The following TNIP3 variants were observed in gnomAD, a reference collection of about 807,000 sequenced individuals.
TNIP3 encodes TNFAIP3-interacting protein 3.
TNIP3 carries 34 observed loss-of-function variants against 54.1 expected under a neutral mutation model. That is an observed-to-expected ratio of 0.63 (90% confidence interval 0.48 to 0.84). TNIP3 has a LOEUF of 0.84. Among genes scored for constraint, TNIP3 ranks in the 40% least tolerant of loss-of-function variants. TNIP3 has a pLI of 0.00. For missense variants in TNIP3, 366 were observed against 387.6 expected, an observed-to-expected ratio of 0.94 and a Z score of 0.47; for synonymous variants, 134 against 136.8, an observed-to-expected ratio of 0.98 and a Z score of 0.14.
At chr4:121,187,819 A>G (rs184971730) in intron 2 of TNIP3, among the ~76,000 whole-genome samples, 17 of 152,368 alleles carry the variant, frequency 1.1e-4, no homozygotes, top group African/African-American at 3.4e-4. Flanking sequence ...CTTCCTGAAG[A>G]TAGGGTCTCT....
chr4:121,148,795 C>CTGAAT (rs1434815665), intron 6 of TNIP3, among the ~76,000 whole-genome samples: 8 of 152,174 alleles, frequency 5.3e-5, no homozygotes, highest in Non-Finnish European at 1.2e-4. Flanking sequence ...AACACAATTG[C>CTGAAT]TGAATTTTTC....
At chr4:121,171,056 T>C (rs1290513243) in intron 3 of TNIP3, among the ~76,000 whole-genome samples, 4 of 152,200 alleles carry the variant, frequency 2.6e-5, no homozygotes, top group African/African-American at 9.6e-5. Context: ...CCTCAGGTGA[T>C]CTGCCCATCT....
In TNIP3 at chr4:121,152,640, G is replaced by C. The variant is rs1380590440; in HGVS notation, c.492+1911C>G. 2.6e-5 allele frequency among the ~76,000 whole-genome samples: 4 copies of C among 152,020 alleles called. No homozygotes were observed. In the East Asian group the frequency reaches 7.7e-4, roughly 29 times the overall value. On this transcript the variant is annotated intron_variant, in intron 5 of 10. Transcript: ENST00000057513. ...TTCTAAGTATTCAAGATAAAGCAGT[G>C]AACAAAACAGAAAAAATTCAGAACC...
At chr4:121,150,306 A>T in intron 5 of TNIP3, 87 bp from the exon 6 acceptor site, 2 of 748,272 alleles carry the variant, frequency 2.7e-6, no homozygotes, top group Non-Finnish European at 4.4e-6. Flanking sequence ...TCTCAAATGC[A>T]CCCACAAATA....
At chr4:121,225,023 T>C (rs1212794332) in intron 1 of TNIP3, among the ~76,000 whole-genome samples, 1 of 152,222 alleles carries the variant, frequency 6.6e-6, no homozygotes, top group Non-Finnish European at 1.5e-5. Context: ...ATATTTGAAA[T>C]TTAAGATGTA....
At chr4:121,189,666 T>C (rs143875211) in intron 2 of TNIP3, among the ~76,000 whole-genome samples, 2 of 152,314 alleles carry the variant, frequency 1.3e-5, no homozygotes, top group Non-Finnish European at 2.9e-5. Context: ...TGAGAGAATT[T>C]TGAAAGTAAC....
chr4:121,185,811 T>G (rs1418830685), intron 2 of TNIP3, among the ~76,000 whole-genome samples: 1 of 152,238 alleles, frequency 6.6e-6, no homozygotes, highest in Non-Finnish European at 1.5e-5. Context: ...GCCTTGTTCT[T>G]TTTTACTTGT....
intron 2 of TNIP3, among the ~76,000 whole-genome samples, chr4:121,206,809 A>T (rs866576268): frequency 4.3e-4 from 65 of 152,062 alleles, no homozygotes; most frequent in African/African-American, 1.6e-3. Flanking sequence ...GACTCAAGGG[A>T]TCCACTTGCC....
chr4:121,203,387 A>G (rs148147431), intron 2 of TNIP3, among the ~76,000 whole-genome samples: 34 of 152,294 alleles, frequency 2.2e-4, no homozygotes, highest in African/African-American at 8.2e-4. Context: ...CAAACATCAT[A>G]TGTTCTCACT....
chr4:121,168,873 G>A (rs1163497893), upstream of TNIP3, among the ~76,000 whole-genome samples: 1 of 152,144 alleles, frequency 6.6e-6, no homozygotes, highest in Non-Finnish European at 1.5e-5. Context: ...AGCGTGTCCA[G>A]CAGTGACTGA....
At chr4:121,160,093 C>T (rs921485646) in intron 2 of TNIP3, among the ~76,000 whole-genome samples, 2 of 152,074 alleles carry the variant, frequency 1.3e-5, no homozygotes, top group Admixed American at 6.6e-5. Context: ...CAATAATTTT[C>T]CAGAAGGTCA....
At chr4:121,176,669 C>A (rs1358616812) in intron 3 of TNIP3, among the ~76,000 whole-genome samples, 2 of 146,320 alleles carry the variant, frequency 1.4e-5, no homozygotes, top group African/African-American at 2.5e-5. Context: ...AAAAAAAAAA[C>A]AGCTTTCAAA....
intron 10 of TNIP3, among the ~76,000 whole-genome samples, chr4:121,136,139 T>A (rs920929497): frequency 6.6e-6 from 1 of 152,230 alleles, no homozygotes; most frequent in Admixed American, 6.5e-5. Context: ...ACAGGTTAGT[T>A]CATAACATAT....
intron 3 of TNIP3, among the ~76,000 whole-genome samples, chr4:121,176,113 T>C (rs1481774982): frequency 1.3e-5 from 2 of 152,256 alleles, no homozygotes; most frequent in Non-Finnish European, 2.9e-5. Flanking sequence ...ATTTATCCAC[T>C]AATCTGTTTA....
chr4:121,142,822 C>T (rs1158776994), intron 7 of TNIP3, 46 bp from the exon 8 acceptor site: 1 of 1,534,454 alleles, frequency 6.5e-7, no homozygotes. Context: ...AAGTTAAAAT[C>T]ATTAATTCCC....
chr4:121,216,343 C>A, intron 2 of TNIP3: 2 of 1,296,456 alleles, frequency 1.5e-6, no homozygotes, highest in Non-Finnish European at 2.1e-6. Context: ...ACTATCATTG[C>A]CACAAAGCAG....
chr4:121,139,322 A>C (rs910239533), intron 9 of TNIP3, among the ~76,000 whole-genome samples: 1 of 152,224 alleles, frequency 6.6e-6, no homozygotes, highest in Non-Finnish European at 1.5e-5. Context: ...GAACAGCTAG[A>C]TATTGAATGT....
chr4:121,212,500 C>A (rs903403863), intron 2 of TNIP3, among the ~76,000 whole-genome samples: 1 of 152,068 alleles, frequency 6.6e-6, no homozygotes, highest in Non-Finnish European at 1.5e-5. Flanking sequence ...CATGTAATTT[C>A]TGAAAAACTA....
chr4:121,143,154 A>T (rs1729221119), intron 7 of TNIP3, among the ~76,000 whole-genome samples: 1 of 152,214 alleles, frequency 6.6e-6, no homozygotes, highest in Non-Finnish European at 1.5e-5. Context: ...AACTTATCTA[A>T]ATTTTTTACA....
Sources: allele counts gnomAD v4.1 joint callset (sites outside exome capture counted in the v4.1 genomes callset), GRCh38; gene constraint gnomAD v4.1.1; transcripts MANE v1.5; gene names NCBI Gene and HGNC (gene_info 2026-07-23, HGNC 2026-07-21).